The following HECW2 variants were observed in gnomAD, a reference collection of about 807,000 sequenced individuals.
HECW2 encodes E3 ubiquitin-protein ligase HECW2.
A neutral mutation model predicts 175.2 loss-of-function variants in HECW2; 61 were observed. That is an observed-to-expected ratio of 0.35 (90% CI 0.28 to 0.43). The LOEUF is 0.43. HECW2 is among the 20% of genes least tolerant of loss of function. The pLI, the probability that HECW2 is intolerant of heterozygous loss-of-function variation, is 1.00. For synonymous variants in HECW2, 671 were observed against 731.0 expected (o/e 0.92, Z 1.32); for missense variants, 1,524 against 2,000.5 (o/e 0.76, Z 4.54).
intron 1 of HECW2, among the ~76,000 whole-genome samples, chr2:196,497,462 T>C (rs1396419924): frequency 1.3e-5 from 2 of 152,180 alleles, no homozygotes; most frequent in Admixed American, 1.3e-4. Flanking sequence ...AGAAGGGAGA[T>C]TGTTGACTTA....
intron 1 of HECW2, among the ~76,000 whole-genome samples, chr2:196,573,248 CAAAA>C (rs113834036): frequency 1.3e-5 from 1 of 77,048 alleles, no homozygotes. Context: ...GAATGCTGAC[CAAAA>C]AAAAAAAAAA....
At chr2:196,474,169 C>G (rs1697327237) in intron 1 of HECW2, among the ~76,000 whole-genome samples, 1 of 152,160 alleles carries the variant, frequency 6.6e-6, no homozygotes, top group South Asian at 2.1e-4. Context: ...TGGTTACTGC[C>G]AATAGCATTC....
chr2:196,456,532 G>T (rs758206216), intron 1 of HECW2, among the ~76,000 whole-genome samples: 1 of 152,138 alleles, frequency 6.6e-6, no homozygotes, highest in Non-Finnish European at 1.5e-5. Context: ...GAAAGGTTGG[G>T]GAAGCTTCAC....
chr2:196,335,810 C>G (rs1411390640), intron 3 of HECW2, among the ~76,000 whole-genome samples: 1 of 152,152 alleles, frequency 6.6e-6, no homozygotes, highest in East Asian at 1.9e-4. Context: ...AAGATTTTTA[C>G]TACGTACCTG....
chr2:196,439,936 AAAGGAAGAAC>A (rs1264676803), intron 1 of HECW2, among the ~76,000 whole-genome samples: 2 of 152,198 alleles, frequency 1.3e-5, no homozygotes, highest in Non-Finnish European at 1.5e-5. Flanking sequence ...GGAATGTTTC[AAAGGAAGAAC>A]ACATAGACAT....
chr2:196,569,077 C>T (rs925413258), intron 1 of HECW2, among the ~76,000 whole-genome samples: 3 of 152,176 alleles, frequency 2.0e-5, no homozygotes, highest in Admixed American at 6.5e-5. Flanking sequence ...GCGGCTCATG[C>T]CTGAAATCTC....
chr2:196,379,695 AAAAAAAAAC>A (rs764002431), intron 2 of HECW2, among the ~76,000 whole-genome samples: 1,446 of 19,786 alleles, frequency 0.073, 24 homozygotes, highest in Non-Finnish European at 0.2. Flanking sequence ...AAAAAAAAAA[AAAAAAAAAC>A]AAAAAGATTA....
chr2:196,536,854 G>C (rs190974254), intron 1 of HECW2, among the ~76,000 whole-genome samples: 20 of 152,108 alleles, frequency 1.3e-4, no homozygotes, highest in African/African-American at 4.8e-4. Flanking sequence ...TGGCTGCATT[G>C]GTGGTTGTGT....
intron 18 of HECW2, among the ~76,000 whole-genome samples, chr2:196,256,113 C>T (rs1689046767): frequency 1.3e-5 from 2 of 151,986 alleles, no homozygotes; most frequent in African/African-American, 2.4e-5. Context: ...GAATAAAACC[C>T]CAAATTTTTC....
chr2:196,340,018 C>T (rs927472863), intron 3 of HECW2, among the ~76,000 whole-genome samples: 2 of 152,154 alleles, frequency 1.3e-5, no homozygotes, highest in Non-Finnish European at 2.9e-5. Flanking sequence ...ACGTAGTGCT[C>T]AAATCCAGGT....
At chr2:196,533,361 G>A (rs976217167) in intron 1 of HECW2, among the ~76,000 whole-genome samples, 2 of 152,092 alleles carry the variant, frequency 1.3e-5, no homozygotes, top group Admixed American at 1.3e-4. Flanking sequence ...TTATTGACGT[G>A]GGATAGAGCC....
At chr2:196,407,423 A>G (rs909703617) in intron 2 of HECW2, among the ~76,000 whole-genome samples, 2 of 152,110 alleles carry the variant, frequency 1.3e-5, no homozygotes, top group African/African-American at 4.8e-5. Context: ...GCTGGTCTCA[A>G]ACTCCTGAAC....
chr2:196,382,296 A>G (rs1694229513), intron 2 of HECW2, among the ~76,000 whole-genome samples: 1 of 151,932 alleles, frequency 6.6e-6, no homozygotes, highest in Non-Finnish European at 1.5e-5. Flanking sequence ...ACTTTGAAAG[A>G]ATAAACCTGA....
At chr2:196,358,101 T>C (rs1693445618) in intron 2 of HECW2, among the ~76,000 whole-genome samples, 1 of 152,164 alleles carries the variant, frequency 6.6e-6, no homozygotes, top group African/African-American at 2.4e-5. Context: ...TGGGTTTAAA[T>C]TCCATTTCTC....
chr2:196,205,842 C>T (rs918205900), intron 28 of HECW2, among the ~76,000 whole-genome samples: 2 of 152,298 alleles, frequency 1.3e-5, no homozygotes, highest in African/African-American at 4.8e-5. Flanking sequence ...ATGATACCTA[C>T]ATTGGCTATT....
At chr2:196,205,770 T>C (rs1268524353) in intron 28 of HECW2, among the ~76,000 whole-genome samples, 1 of 152,182 alleles carries the variant, frequency 6.6e-6, no homozygotes. Flanking sequence ...TTAATAAATA[T>C]GCCAAGTGAG....
At chr2:196,231,066 C>T (rs935433771) in intron 21 of HECW2, among the ~76,000 whole-genome samples, 1 of 117,648 alleles carries the variant, frequency 8.5e-6, no homozygotes, top group East Asian at 2.9e-4. Flanking sequence ...TGCACTCCAG[C>T]CTGGCGACAG....
chr2:196,275,240 C>T (rs1023337792), intron 15 of HECW2, among the ~76,000 whole-genome samples: 1 of 152,108 alleles, frequency 6.6e-6, no homozygotes, highest in Non-Finnish European at 1.5e-5. Flanking sequence ...TCCCACAGAA[C>T]AAACAGAACA....
intron 17 of HECW2, among the ~76,000 whole-genome samples, chr2:196,267,221 G>A (rs1260567514): frequency 6.6e-6 from 1 of 151,994 alleles, no homozygotes; most frequent in Non-Finnish European, 1.5e-5. Context: ...TCAGGTTCAT[G>A]GCCTTTCTCA....
Sources: allele counts gnomAD v4.1 joint callset (sites outside exome capture counted in the v4.1 genomes callset), GRCh38; gene constraint gnomAD v4.1.1; transcripts MANE v1.5; gene names NCBI Gene and HGNC (gene_info 2026-07-23, HGNC 2026-07-21).